The following CSMD3 variants were observed in gnomAD, a reference collection of about 807,000 sequenced individuals.
CSMD3 encodes CUB and sushi domain-containing protein 3.
Under a neutral mutation model 435.2 loss-of-function variants are expected in CSMD3, and 177 were observed. The ratio of observed to expected loss-of-function variants is 0.41; its 90% CI spans 0.36 to 0.46. The LOEUF is 0.46. Among genes scored for constraint, CSMD3 ranks in the 20% least tolerant of loss-of-function variants. The pLI, the probability that CSMD3 is intolerant of heterozygous loss-of-function variation, is 0.34. For synonymous variants in CSMD3, 1,656 were observed against 1,520.5 expected (o/e 1.09, Z -2.07); for missense variants, 4,265 against 4,504.6 (o/e 0.95, Z 1.52).
At chr8:112,459,265 C>A (rs1337348585) in intron 32 of CSMD3, among the ~76,000 whole-genome samples, 1 of 151,216 alleles carries the variant, frequency 6.6e-6, no homozygotes, top group Non-Finnish European at 1.5e-5. Flanking sequence ...CTCCTGTTAT[C>A]CTTTCTCATT....
At chr8:112,579,686 C>T (rs1228503657) in intron 23 of CSMD3, among the ~76,000 whole-genome samples, 2 of 152,056 alleles carry the variant, frequency 1.3e-5, no homozygotes, top group African/African-American at 4.8e-5. Flanking sequence ...GTCATAAGTG[C>T]TATTCCCAAA....
chr8:113,369,777 A>G (rs2094335508), intron 1 of CSMD3, among the ~76,000 whole-genome samples: 1 of 151,984 alleles, frequency 6.6e-6, no homozygotes, highest in Non-Finnish European at 1.5e-5. Context: ...AACATGGAGG[A>G]CATTATGTTA....
At chr8:112,831,941 C>A (rs1265363080) in intron 11 of CSMD3, among the ~76,000 whole-genome samples, 1 of 152,122 alleles carries the variant, frequency 6.6e-6, no homozygotes, top group African/African-American at 2.4e-5. Context: ...TTGAGATCAG[C>A]TTTATATATT....
chr8:112,888,081 AT>A (rs2081663038), intron 10 of CSMD3, among the ~76,000 whole-genome samples: 1 of 151,736 alleles, frequency 6.6e-6, no homozygotes, highest in African/African-American at 2.4e-5. Flanking sequence ...TTTGATGTCT[AT>A]TCCTGAGAAA....
chr8:113,106,346 G>A (rs550844741), intron 4 of CSMD3, among the ~76,000 whole-genome samples: 1 of 151,960 alleles, frequency 6.6e-6, no homozygotes, highest in South Asian at 2.1e-4. Context: ...ATACTCAATG[G>A]GCCTCATAGA....
chr8:112,732,614 C>A (rs1447466075), intron 13 of CSMD3, among the ~76,000 whole-genome samples: 1 of 150,908 alleles, frequency 6.6e-6, no homozygotes, highest in African/African-American at 2.4e-5. Context: ...TGCCTGTGAT[C>A]CCAGCTACTT....
At chr8:113,304,914 T>A (rs1398149958) in intron 2 of CSMD3, among the ~76,000 whole-genome samples, 30 of 119,730 alleles carry the variant, frequency 2.5e-4, no homozygotes, top group Non-Finnish European at 3.0e-4. Context: ...TAAAGTATAA[T>A]AAAAAAAAAA....
rs368946674 is a variant in CSMD3 at position 112,561,537 on chromosome 8, G to A, written c.4043-4583C>T. Among the ~76,000 whole-genome samples the A allele has an allele frequency of 5.9e-5, 9 of 151,658 alleles. No homozygotes were observed. The South Asian group carries it at 1.9e-3, about 31-fold the overall frequency. On this transcript the variant is annotated intron_variant, in intron 24 of 70. Coordinates refer to ENST00000297405, the MANE Select transcript of CSMD3 (RefSeq NM_198123.2). The stretch of plus-strand genomic sequence containing the variant: ...TATCAGATTCTAGTTTTGTATCATA[G>A]TTGTGTCAGACTCAAATCAATGTTA...
intron 7 of CSMD3, 121 bp from the exon 8 acceptor site, chr8:112,954,882 A>T (rs1196769679): frequency 4.5e-6 from 3 of 667,580 alleles, no homozygotes; most frequent in Non-Finnish European, 7.9e-6. Context: ...CTTAAGCCTG[A>T]TATAGTACCC....
intron 13 of CSMD3, among the ~76,000 whole-genome samples, chr8:112,741,336 A>G (rs1488388340): frequency 2.0e-5 from 3 of 152,036 alleles, no homozygotes; most frequent in African/African-American, 7.2e-5. Flanking sequence ...TTAGTGGCCA[A>G]TGGGTATATG....
chr8:112,569,318 G>A (rs1234828555), intron 24 of CSMD3, among the ~76,000 whole-genome samples: 1 of 151,994 alleles, frequency 6.6e-6, no homozygotes, highest in Non-Finnish European at 1.5e-5. Context: ...TTAAGTAGTT[G>A]AATCAAGATC....
At chr8:112,321,177 T>C (rs1168042575) in intron 45 of CSMD3, among the ~76,000 whole-genome samples, 3 of 152,110 alleles carry the variant, frequency 2.0e-5, no homozygotes, top group Non-Finnish European at 4.4e-5. Context: ...TTTATATGCC[T>C]ATTTTTACTA....
chr8:112,931,972 AG>A (rs895978130), intron 9 of CSMD3, among the ~76,000 whole-genome samples: 9 of 152,178 alleles, frequency 5.9e-5, no homozygotes, highest in African/African-American at 2.2e-4. Context: ...TGCGGAGGAA[AG>A]GTAACTCTTA....
chr8:112,317,742 C>T (rs1822607516), intron 47 of CSMD3, among the ~76,000 whole-genome samples: 1 of 151,942 alleles, frequency 6.6e-6, no homozygotes, highest in Non-Finnish European at 1.5e-5. Flanking sequence ...CTTTTTGCTA[C>T]CATCAAAGCC....
intron 3 of CSMD3, among the ~76,000 whole-genome samples, chr8:113,193,008 C>A (rs930262998): frequency 6.6e-6 from 1 of 151,308 alleles, no homozygotes; most frequent in African/African-American, 2.4e-5. Context: ...GTTAAGAGAC[C>A]CATTATAACA....
intron 3 of CSMD3, among the ~76,000 whole-genome samples, chr8:113,204,472 C>T (rs28533723): frequency 6.6e-6 from 1 of 151,740 alleles, no homozygotes; most frequent in Non-Finnish European, 1.5e-5. Flanking sequence ...AAAAGTTATA[C>T]TAAAATAATA....
At chr8:112,238,229 T>C (rs1377882550) in intron 66 of CSMD3, among the ~76,000 whole-genome samples, 1 of 151,966 alleles carries the variant, frequency 6.6e-6, no homozygotes, top group Non-Finnish European at 1.5e-5. Flanking sequence ...CCAACCCTCT[T>C]TGGATGAATG....
At chr8:112,817,100 G>A (rs2079395584) in intron 12 of CSMD3, among the ~76,000 whole-genome samples, 3 of 152,044 alleles carry the variant, frequency 2.0e-5, no homozygotes, top group Admixed American at 2.0e-4. Flanking sequence ...AATTTTCAGA[G>A]GTGTCTTAAT....
At chr8:113,336,330 A>T (rs2094074761) in intron 1 of CSMD3, among the ~76,000 whole-genome samples, 1 of 151,988 alleles carries the variant, frequency 6.6e-6, no homozygotes, top group Non-Finnish European at 1.5e-5. Flanking sequence ...TTGAAAAAAA[A>T]TGTATTAAGT....
Sources: gnomAD v4.1 joint callset for allele counts (sites outside exome capture counted in the v4.1 genomes callset) on GRCh38, gnomAD v4.1.1 for gene constraint, MANE v1.5 for transcripts, NCBI Gene and HGNC (gene_info 2026-07-23, HGNC 2026-07-21) for gene names.